Variants in CSMD1 observed in about 807,000 individuals in gnomAD.
CSMD1 encodes the protein CUB and Sushi multiple domains 1, also known as CUB and sushi domain-containing protein 1.
Under a neutral mutation model 417.5 loss-of-function variants are expected in CSMD1, and 213 were observed. The ratio of observed to expected loss-of-function variants is 0.51; its 90% CI spans 0.46 to 0.57. The LOEUF is 0.57. Among genes scored for constraint, CSMD1 ranks in the 20% least tolerant of loss-of-function variants. The pLI is 0.00. For missense variants in CSMD1, 6,923 were observed against 4,529.7 expected, an observed-to-expected ratio of 1.53 and a Z score of -15.17; for synonymous variants, 2,862 against 1,736.8, an observed-to-expected ratio of 1.65 and a Z score of -16.11.
At chr8:4,261,413 G>C (rs191520593) in intron 3 of CSMD1, among the ~76,000 whole-genome samples, 1 of 152,122 alleles carries the variant, frequency 6.6e-6, no homozygotes, top group Non-Finnish European at 1.5e-5. Flanking sequence ...GCTGGGGAGA[G>C]GGGAAATGGG....
chr8:4,261,398 C>G (rs376888195), intron 3 of CSMD1, among the ~76,000 whole-genome samples: 1 of 152,062 alleles, frequency 6.6e-6, no homozygotes, highest in South Asian at 2.1e-4. Flanking sequence ...TGGTAGTTGC[C>G]AGGGGCTGGG....
chr8:4,847,444 G>A (rs1274877440), intron 1 of CSMD1, among the ~76,000 whole-genome samples: 2 of 152,178 alleles, frequency 1.3e-5, no homozygotes, highest in African/African-American at 4.8e-5. Context: ...GAAAAATTGT[G>A]TAGATTGTAC....
At chr8:4,216,514 C>T (rs922715983) in intron 3 of CSMD1, among the ~76,000 whole-genome samples, 13 of 151,912 alleles carry the variant, frequency 8.6e-5, no homozygotes, top group African/African-American at 3.1e-4. Context: ...TATTCAGTAC[C>T]CCCACGGGAC....
chr8:4,833,328 C>A (rs577142247), intron 1 of CSMD1, among the ~76,000 whole-genome samples: 23 of 152,264 alleles, frequency 1.5e-4, no homozygotes, highest in Admixed American at 7.2e-4. Context: ...CTTCATGTGG[C>A]AGCAGAAGAC....
At chr8:3,971,393 G>C (rs1383741694) in intron 5 of CSMD1, among the ~76,000 whole-genome samples, 2 of 152,050 alleles carry the variant, frequency 1.3e-5, no homozygotes, top group Non-Finnish European at 2.9e-5. Context: ...TCCCTATTAA[G>C]TTTTTATAAA....
chr8:3,312,559 G>C (rs905092436), intron 23 of CSMD1, among the ~76,000 whole-genome samples: 1 of 152,142 alleles, frequency 6.6e-6, no homozygotes, highest in Non-Finnish European at 1.5e-5. Context: ...CTCCTCGCAG[G>C]ATTTGATGGT....
chr8:4,183,843 A>C (rs1798515190), intron 3 of CSMD1, among the ~76,000 whole-genome samples: 1 of 152,142 alleles, frequency 6.6e-6, no homozygotes, highest in African/African-American at 2.4e-5. Context: ...TGGATTGCCC[A>C]CCTACCACTT....
chr8:3,150,853 A>G (rs1819152277), intron 40 of CSMD1, among the ~76,000 whole-genome samples: 1 of 152,236 alleles, frequency 6.6e-6, no homozygotes, highest in Admixed American at 6.5e-5. Context: ...AGTATACACA[A>G]CAATTAAATT....
chr8:3,965,407 T>C (rs889325214), intron 5 of CSMD1, among the ~76,000 whole-genome samples: 4 of 152,180 alleles, frequency 2.6e-5, no homozygotes, highest in Non-Finnish European at 1.5e-5. Flanking sequence ...CTTAGAGACA[T>C]GGTTTTCGTG....
At chr8:4,913,047 C>G (rs978214149) in intron 1 of CSMD1, among the ~76,000 whole-genome samples, 5 of 152,128 alleles carry the variant, frequency 3.3e-5, no homozygotes, top group African/African-American at 1.2e-4. Context: ...CCTCGGCCTC[C>G]CAAACTGCTG....
At chr8:3,137,263 AG>A (rs1300484862) in intron 41 of CSMD1, among the ~76,000 whole-genome samples, 1 of 152,220 alleles carries the variant, frequency 6.6e-6, no homozygotes, top group Non-Finnish European at 1.5e-5. Flanking sequence ...CGCAATGCGT[AG>A]GGACTAAAAA....
intron 34 of CSMD1, among the ~76,000 whole-genome samples, chr8:3,189,347 TTTCTC>T (rs1332193860): frequency 6.6e-6 from 1 of 152,234 alleles, no homozygotes; most frequent in African/African-American, 2.4e-5. Flanking sequence ...TTGGCAGAGT[TTTCTC>T]TTCTCCATGC....
At chr8:3,892,347 G>A (rs549770643) in intron 5 of CSMD1, among the ~76,000 whole-genome samples, 29 of 152,192 alleles carry the variant, frequency 1.9e-4, no homozygotes, top group South Asian at 1.5e-3. Context: ...TCTTCAAGAA[G>A]ACGTGTGGGG....
chr8:4,155,507 A>C (rs893983873), intron 3 of CSMD1, among the ~76,000 whole-genome samples: 1 of 152,212 alleles, frequency 6.6e-6, no homozygotes, highest in African/African-American at 2.4e-5. Flanking sequence ...TATCGTTCTT[A>C]AACGCCAAAC....
chr8:4,283,254 G>C lies in CSMD1; in HGVS notation c.415+136699C>G, dbSNP rs572288122. Among the ~76,000 whole-genome samples the C allele has an allele frequency of 2.7e-5, 4 of 150,826 alleles. No homozygotes were observed. In the East Asian group the frequency reaches 5.8e-4, roughly 22 times the overall value. ...CCACTATCCTTTTGCAAACAGTTTAGATGAAGACTTTTAATGCACATTTTC... is the reference window on the plus strand; with the variant it reads ...CCACTATCCTTTTGCAAACAGTTTACATGAAGACTTTTAATGCACATTTTC... On this transcript the variant is annotated intron_variant, in intron 3 of 69. Coordinates refer to ENST00000635120, the MANE Select transcript of CSMD1 (RefSeq NM_033225.6).
At position 3,665,415 on chromosome 8, in the gene CSMD1, G is replaced by A. The variant is rs181539430; in HGVS notation, c.1009+42999C>T. ...GTGGTGGCATGCACCAGTAATACCA[G>A]CTACTCCGGAGGCTGAGGCACAAGA... On this transcript the variant is annotated intron_variant, in intron 7 of 69. Transcript: ENST00000635120. 5.3e-4 allele frequency among the ~76,000 whole-genome samples: 81 copies of A among 152,160 alleles called. No individual in the cohort carries two copies. In the Middle Eastern group the frequency reaches 0.017, roughly 32 times the overall value.
At chr8:4,646,365 G>A (rs185236845) in intron 1 of CSMD1, among the ~76,000 whole-genome samples, 1 of 152,302 alleles carries the variant, frequency 6.6e-6, no homozygotes, top group East Asian at 1.9e-4. Flanking sequence ...ATCATGCTAT[G>A]TATTACTCTT....
chr8:3,514,172 G>A (rs558564350), intron 10 of CSMD1, among the ~76,000 whole-genome samples: 1 of 152,136 alleles, frequency 6.6e-6, no homozygotes, highest in Admixed American at 6.5e-5. Context: ...GTCATAGCTT[G>A]TTCCCCAATC....
At chr8:3,953,243 A>G (rs1255508284) in intron 5 of CSMD1, among the ~76,000 whole-genome samples, 11 of 152,178 alleles carry the variant, frequency 7.2e-5, no homozygotes. Flanking sequence ...TAACTGATAT[A>G]GGAGTTAAGG....
Sources: gnomAD v4.1 joint callset for allele counts (sites outside exome capture counted in the v4.1 genomes callset) on GRCh38, gnomAD v4.1.1 for gene constraint, MANE v1.5 for transcripts, NCBI Gene and HGNC (gene_info 2026-07-23, HGNC 2026-07-21) for gene names.